The following FHOD3 variants were observed in gnomAD, a reference collection of about 807,000 sequenced individuals.
FHOD3 encodes the protein formin homology 2 domain containing 3, also known as FH1/FH2 domain-containing protein 3.
A neutral mutation model predicts 173.0 loss-of-function variants in FHOD3; 90 were observed. The ratio of observed to expected loss-of-function variants is 0.52; its 90% CI spans 0.44 to 0.62. FHOD3 has a LOEUF of 0.62. Among genes scored for constraint, FHOD3 ranks in the 20% least tolerant of loss-of-function variants. The probability of loss-of-function intolerance (pLI) is 0.00; values close to 1 mark genes in which losing one functional copy is unlikely to be tolerated. For missense variants in FHOD3, 1,945 were observed against 2,034.7 expected, an observed-to-expected ratio of 0.96 and a Z score of 0.85; for synonymous variants, 828 against 823.0, an observed-to-expected ratio of 1.01 and a Z score of -0.10.
At chr18:36,721,376 C>A (rs1029454638) in intron 19 of FHOD3, among the ~76,000 whole-genome samples, 2 of 152,208 alleles carry the variant, frequency 1.3e-5, no homozygotes, top group Non-Finnish European at 2.9e-5. Context: ...ATGGGTGGCT[C>A]ATTCTGGTAA....
At chr18:36,332,867 C>T (rs1184999165) in intron 1 of FHOD3, among the ~76,000 whole-genome samples, 1 of 152,196 alleles carries the variant, frequency 6.6e-6, no homozygotes, top group African/African-American at 2.4e-5. Context: ...GCATCATCTT[C>T]CCAATCCCTT....
intron 3 of FHOD3, among the ~76,000 whole-genome samples, chr18:36,413,958 CTA>C (rs1170684792): frequency 6.6e-6 from 1 of 152,136 alleles, no homozygotes; most frequent in Non-Finnish European, 1.5e-5. Flanking sequence ...CCTTATGTCT[CTA>C]TGGATTTGCC....
chr18:36,426,193 C>T (rs954426975), intron 3 of FHOD3, among the ~76,000 whole-genome samples: 6 of 152,246 alleles, frequency 3.9e-5, no homozygotes, highest in East Asian at 3.9e-4. Context: ...CATGAGCCAC[C>T]GCGCCCGGCC....
chr18:36,314,530 A>G (rs2044027221), intron 1 of FHOD3, among the ~76,000 whole-genome samples: 2 of 152,210 alleles, frequency 1.3e-5, no homozygotes. Context: ...AGAGCTTTAG[A>G]GGAGGAGGTG....
At chr18:36,713,813 C>G (rs1225297591) in intron 18 of FHOD3, among the ~76,000 whole-genome samples, 3 of 151,970 alleles carry the variant, frequency 2.0e-5, no homozygotes, top group Non-Finnish European at 4.4e-5. Context: ...AAAAAGTATT[C>G]AAGTAACCCA....
intron 2 of FHOD3, among the ~76,000 whole-genome samples, chr18:36,364,855 G>T (rs999806855): frequency 6.6e-6 from 1 of 152,144 alleles, no homozygotes; most frequent in South Asian, 2.1e-4. Context: ...GCAAGGCAAG[G>T]CTGGGAGTGG....
Position 36,744,086 on chromosome 18 carries a change from G to A in FHOD3, c.3934G>A (p.Val1312Met). Residue 1312 changes from valine to methionine, a missense_variant, in exon 23 of 29, where the codon GTG becomes ATG. Coordinates refer to ENST00000590592, the MANE Select transcript of FHOD3 (RefSeq NM_001281740.3). ...GAAGGTTCCAGAAGTCAAAGACACA[G>A]TGCACAAGCAGTCGCTTCTCCACCA... ...LEKVPEVKDT[V>M]HKQSLLHHVC... 1 of 1,614,232 alleles carries A rather than the reference G, an allele frequency of 6.2e-7. No homozygotes were observed. The highest frequency in any genetic ancestry group is 8.5e-7 in the Non-Finnish European group (1 of 1,180,052).
intron 27 of FHOD3, among the ~76,000 whole-genome samples, chr18:36,764,156 CA>C (rs2043042226): frequency 6.6e-6 from 1 of 152,096 alleles, no homozygotes; most frequent in Admixed American, 6.6e-5. Flanking sequence ...AAAAGACCTC[CA>C]TTCCAGGAAG....
At chr18:36,719,457 T>G (rs2040639246) in intron 19 of FHOD3, among the ~76,000 whole-genome samples, 1 of 152,220 alleles carries the variant, frequency 6.6e-6, no homozygotes, top group Non-Finnish European at 1.5e-5. Context: ...AGATTTTATA[T>G]CTAATTCCCT....
intron 3 of FHOD3, among the ~76,000 whole-genome samples, chr18:36,405,956 G>T (rs999778293): frequency 7.2e-5 from 11 of 152,170 alleles, no homozygotes; most frequent in Non-Finnish European, 1.6e-4. Flanking sequence ...TCAGTGGTCT[G>T]TGCCCAGCAG....
At chr18:36,501,772 ATTC>A (rs2055043527) in intron 3 of FHOD3, among the ~76,000 whole-genome samples, 157 bp from the exon 4 acceptor site, 2 of 152,196 alleles carry the variant, frequency 1.3e-5, no homozygotes. Context: ...TATATGCAAC[ATTC>A]TTCTTATGGT....
intron 3 of FHOD3, among the ~76,000 whole-genome samples, chr18:36,404,004 A>G (rs2048943209): frequency 6.6e-6 from 1 of 152,188 alleles, no homozygotes; most frequent in Non-Finnish European, 1.5e-5. Flanking sequence ...CTACCTTATT[A>G]GCAGGGAGGT....
chr18:36,760,807 G>A lies in FHOD3; in HGVS notation c.4624+25G>A, dbSNP rs73433579. On this transcript the variant is annotated intron_variant, in intron 27 of 28. Coordinates refer to ENST00000590592, the MANE Select transcript of FHOD3 (RefSeq NM_001281740.3). ...GGTAACTCCTGGCTGCGCGGGGCTC[G>A]TCTTGTCTTCTCAGGTTGGCCGCTC... 3,518 of 1,586,536 alleles carry A rather than the reference G, an allele frequency of 2.2e-3. 68 individuals are homozygous for A. In the African/African-American group the frequency reaches 0.042, roughly 19 times the overall value.
chr18:36,750,144 C>G (rs1410265939), intron 24 of FHOD3, among the ~76,000 whole-genome samples: 1 of 152,090 alleles, frequency 6.6e-6, no homozygotes, highest in African/African-American at 2.4e-5. Flanking sequence ...AAAAAATTAG[C>G]TGAGCATGGT....
intron 3 of FHOD3, among the ~76,000 whole-genome samples, chr18:36,413,929 C>A (rs2049491056): frequency 6.6e-6 from 1 of 152,138 alleles, no homozygotes; most frequent in African/African-American, 2.4e-5. Context: ...CACCTACAGC[C>A]CATGTAACCT....
intron 9 of FHOD3, among the ~76,000 whole-genome samples, chr18:36,613,825 C>T (rs2032935515): frequency 1.3e-5 from 2 of 152,088 alleles, no homozygotes; most frequent in South Asian, 4.2e-4. Context: ...AAGTGTCCAC[C>T]ATCATGACCA....
intron 17 of FHOD3, among the ~76,000 whole-genome samples, chr18:36,697,648 G>A (rs1018788936): frequency 6.6e-6 from 1 of 152,026 alleles, no homozygotes; most frequent in African/African-American, 2.4e-5. Flanking sequence ...GGATATATAC[G>A]GCCTATATGG....
At chr18:36,367,409 G>A (rs577682156) in intron 2 of FHOD3, among the ~76,000 whole-genome samples, 1 of 152,294 alleles carries the variant, frequency 6.6e-6, no homozygotes, top group Non-Finnish European at 1.5e-5. Context: ...TGGCTGTGCT[G>A]ATAGGAAAGG....
intron 5 of FHOD3, among the ~76,000 whole-genome samples, chr18:36,574,966 T>C (rs1399785962): frequency 6.6e-6 from 1 of 151,976 alleles, no homozygotes; most frequent in Admixed American, 6.6e-5. Flanking sequence ...TTTTTCTTTT[T>C]TCTCTTTTTT....
Sources: gnomAD v4.1 joint callset for allele counts (sites outside exome capture counted in the v4.1 genomes callset) on GRCh38, gnomAD v4.1.1 for gene constraint, MANE v1.5 for transcripts, NCBI Gene and HGNC (gene_info 2026-07-23, HGNC 2026-07-21) for gene names.